Variants in NKAIN2 observed in about 807,000 individuals in gnomAD.
The protein encoded by NKAIN2 is sodium/potassium transporting ATPase interacting 2.
NKAIN2 carries 14 observed loss-of-function variants against 32.6 expected under a neutral mutation model. The ratio of observed to expected loss-of-function variants is 0.43; its 90% CI spans 0.28 to 0.67. The LOEUF (loss-of-function observed/expected upper bound fraction) is 0.67. Among genes scored for constraint, NKAIN2 ranks in the 30% least tolerant of loss-of-function variants. The pLI, the probability that NKAIN2 is intolerant of heterozygous loss-of-function variation, is 0.17. For missense variants in NKAIN2, 198 were observed against 258.3 expected (o/e 0.77, Z 1.60); for synonymous variants, 80 against 87.2 (o/e 0.92, Z 0.46).
intron 4 of NKAIN2, among the ~76,000 whole-genome samples, chr6:124,779,495 G>A (rs1310957362): frequency 6.6e-6 from 1 of 152,168 alleles, no homozygotes. Context: ...ATCCTTGAGA[G>A]CCTAATGTCC....
intron 1 of NKAIN2, among the ~76,000 whole-genome samples, chr6:124,133,573 A>G (rs1227598890): frequency 2.0e-5 from 3 of 152,156 alleles, no homozygotes; most frequent in African/African-American, 7.2e-5. Context: ...AGCCCAGATC[A>G]TCAACTCAAT....
intron 1 of NKAIN2, among the ~76,000 whole-genome samples, chr6:124,112,598 T>G (rs927790381): frequency 6.6e-5 from 10 of 152,308 alleles, no homozygotes; most frequent in South Asian, 4.1e-4. Flanking sequence ...TGGATGTTCA[T>G]TAACTTCCCC....
chr6:124,086,201 A>C (rs78791654), intron 1 of NKAIN2, among the ~76,000 whole-genome samples: 2,945 of 151,892 alleles, frequency 0.019, 86 homozygotes, highest in African/African-American at 0.065. Flanking sequence ...CCAGCTCCCA[A>C]CTCATATAAA....
At chr6:124,433,718 G>A (rs958226036) in intron 3 of NKAIN2, among the ~76,000 whole-genome samples, 2 of 152,052 alleles carry the variant, frequency 1.3e-5, no homozygotes, top group African/African-American at 4.8e-5. Flanking sequence ...TATCAACCAG[G>A]CTCATATAGA....
At chr6:123,906,717 T>C (rs1774892257) in intron 1 of NKAIN2, among the ~76,000 whole-genome samples, 1 of 152,232 alleles carries the variant, frequency 6.6e-6, no homozygotes, top group Non-Finnish European at 1.5e-5. Flanking sequence ...ATATGAAGTT[T>C]TACAGTAAAA....
chr6:124,120,834 C>T (rs896012926), intron 1 of NKAIN2, among the ~76,000 whole-genome samples: 2 of 152,008 alleles, frequency 1.3e-5, no homozygotes, highest in Non-Finnish European at 2.9e-5. Flanking sequence ...CTGGCTAATT[C>T]AGTAGATTCA....
intron 3 of NKAIN2, among the ~76,000 whole-genome samples, 163 bp from the exon 4 acceptor site, chr6:124,658,023 A>C (rs1784601472): frequency 6.6e-6 from 1 of 152,072 alleles, no homozygotes; most frequent in Non-Finnish European, 1.5e-5. Context: ...ATGCATAATT[A>C]ATTTAGCTGT....
chr6:124,557,234 ACTT>A (rs1453788795), intron 3 of NKAIN2, among the ~76,000 whole-genome samples: 13 of 152,212 alleles, frequency 8.5e-5, no homozygotes, highest in African/African-American at 3.1e-4. Flanking sequence ...AAATGCTTCT[ACTT>A]CTTGACTCAT....
chr6:124,351,727 T>G (rs1798743405), intron 2 of NKAIN2, among the ~76,000 whole-genome samples: 1 of 127,766 alleles, frequency 7.8e-6, no homozygotes, highest in African/African-American at 3.3e-5. Context: ...GTTCAAGTGA[T>G]TCTCTTGCCT....
At chr6:124,731,248 A>C (rs1776650797) in intron 4 of NKAIN2, among the ~76,000 whole-genome samples, 1 of 140,944 alleles carries the variant, frequency 7.1e-6, no homozygotes, top group Admixed American at 7.3e-5. Flanking sequence ...GCTGCTATAA[A>C]GACACATGCA....
At chr6:124,766,555 A>T (rs1413012964) in intron 4 of NKAIN2, among the ~76,000 whole-genome samples, 1 of 152,178 alleles carries the variant, frequency 6.6e-6, no homozygotes, top group African/African-American at 2.4e-5. Context: ...GCTGACCCTT[A>T]GTACTCCAGT....
intron 6 of NKAIN2, among the ~76,000 whole-genome samples, chr6:124,822,811 C>T (rs975294096): frequency 6.6e-6 from 1 of 151,920 alleles, no homozygotes; most frequent in Non-Finnish European, 1.5e-5. Context: ...CCCGTGTCTA[C>T]AGCTTAAGTT....
At chr6:124,807,457 A>G (rs1190371906) in intron 5 of NKAIN2, among the ~76,000 whole-genome samples, 2 of 151,814 alleles carry the variant, frequency 1.3e-5, no homozygotes, top group Non-Finnish European at 2.9e-5. Context: ...CAAAGACACA[A>G]CATACAAGAA....
intron 1 of NKAIN2, among the ~76,000 whole-genome samples, chr6:124,203,100 G>T (rs531453575): frequency 6.6e-6 from 1 of 151,854 alleles, no homozygotes; most frequent in South Asian, 2.1e-4. Flanking sequence ...TGCTCAATCT[G>T]TCTGTTTTGT....
At chr6:123,816,927 A>G (rs1198078351) in intron 1 of NKAIN2, among the ~76,000 whole-genome samples, 1 of 152,316 alleles carries the variant, frequency 6.6e-6, no homozygotes, top group African/African-American at 2.4e-5. Context: ...TAGAAGAATC[A>G]TCATTGTACA....
chr6:123,815,932 T>A (rs1470620809), intron 1 of NKAIN2, among the ~76,000 whole-genome samples: 1 of 152,102 alleles, frequency 6.6e-6, no homozygotes, highest in Non-Finnish European at 1.5e-5. Context: ...ATGGTAGATA[T>A]ACCGTTAATA....
intron 1 of NKAIN2, among the ~76,000 whole-genome samples, chr6:124,154,704 A>G (rs140038073): frequency 9.5e-4 from 144 of 152,140 alleles, no homozygotes; most frequent in African/African-American, 3.3e-3. Context: ...TCTTGAGTAT[A>G]CGGAGCACCA....
intron 3 of NKAIN2, among the ~76,000 whole-genome samples, chr6:124,488,010 G>A (rs146778110): frequency 6.4e-4 from 97 of 151,958 alleles, no homozygotes; most frequent in Non-Finnish European, 1.2e-3. Flanking sequence ...TGACAATGTC[G>A]GATAATACTA....
intron 1 of NKAIN2, among the ~76,000 whole-genome samples, chr6:124,189,482 C>T (rs1300537586): frequency 1.3e-5 from 2 of 152,000 alleles, no homozygotes; most frequent in Non-Finnish European, 1.5e-5. Flanking sequence ...GGGCAGATCA[C>T]GAGGTCAGGA....
Sources: allele counts gnomAD v4.1 joint callset (sites outside exome capture counted in the v4.1 genomes callset), GRCh38; gene constraint gnomAD v4.1.1; transcripts MANE v1.5; gene names NCBI Gene and HGNC (gene_info 2026-07-23, HGNC 2026-07-21).